LDB2: variants seen among roughly 807,000 people sequenced by gnomAD.
The protein encoded by LDB2 is LIM domain-binding protein 2.
A neutral mutation model predicts 44.3 loss-of-function variants in LDB2; 12 were observed. The ratio of observed to expected loss-of-function variants is 0.27; its 90% CI spans 0.17 to 0.44. LDB2 has a LOEUF of 0.44. Among genes scored for constraint, LDB2 ranks in the 20% least tolerant of loss-of-function variants. The pLI is 1.00. For synonymous variants in LDB2, 164 were observed against 174.8 expected (o/e 0.94, Z 0.49); for missense variants, 344 against 473.5 (o/e 0.73, Z 2.54).
At chr4:16,609,065 A>G (rs1724818741) in intron 2 of LDB2, among the ~76,000 whole-genome samples, 1 of 152,138 alleles carries the variant, frequency 6.6e-6, no homozygotes, top group African/African-American at 2.4e-5. Context: ...TCTCTCATCA[A>G]AATTGACTAG....
chr4:16,773,882 C>T (rs114550155), intron 1 of LDB2, among the ~76,000 whole-genome samples: 1,682 of 151,488 alleles, frequency 0.011, 17 homozygotes, highest in Non-Finnish European at 0.017. Flanking sequence ...AGGCCAGGCA[C>T]GGTGGATCAT....
At chr4:16,789,704 C>A (rs1458711609) in intron 1 of LDB2, among the ~76,000 whole-genome samples, 1 of 152,150 alleles carries the variant, frequency 6.6e-6, no homozygotes, top group Non-Finnish European at 1.5e-5. Flanking sequence ...CCAAGGCGAG[C>A]AGATCACTTA....
intron 2 of LDB2, among the ~76,000 whole-genome samples, chr4:16,620,622 G>C (rs1180585972): frequency 6.6e-6 from 1 of 152,198 alleles, no homozygotes; most frequent in Non-Finnish European, 1.5e-5. Context: ...GGTGAGAAGG[G>C]TGATGAAATC....
At chr4:16,634,159 C>T (rs1732869661) in intron 2 of LDB2, among the ~76,000 whole-genome samples, 1 of 152,076 alleles carries the variant, frequency 6.6e-6, no homozygotes, top group African/African-American at 2.4e-5. Context: ...CCATGAAAAT[C>T]CTACAAGAAA....
At chr4:16,676,396 C>T (rs1200228482) in intron 2 of LDB2, among the ~76,000 whole-genome samples, 1 of 152,238 alleles carries the variant, frequency 6.6e-6, no homozygotes. Flanking sequence ...GCAGCTGTGA[C>T]TGTGAAGGCT....
At chr4:16,529,940 A>G (rs1052895408) in intron 5 of LDB2, among the ~76,000 whole-genome samples, 1 of 152,186 alleles carries the variant, frequency 6.6e-6, no homozygotes, top group Non-Finnish European at 1.5e-5. Flanking sequence ...TGGAGCAGTG[A>G]GAAGCTTGGG....
chr4:16,728,690 A>G (rs554214602), intron 2 of LDB2, among the ~76,000 whole-genome samples: 30 of 152,342 alleles, frequency 2.0e-4, no homozygotes, highest in African/African-American at 7.2e-4. Flanking sequence ...ATATTCTGGT[A>G]CATCAGGCTT....
At chr4:16,813,783 T>C (rs1212281044) in intron 1 of LDB2, among the ~76,000 whole-genome samples, 1 of 152,170 alleles carries the variant, frequency 6.6e-6, no homozygotes, top group East Asian at 1.9e-4. Context: ...GTTATTTCCA[T>C]CTGCAATAGA....
chr4:16,757,053 G>A (rs899407789), intron 2 of LDB2, among the ~76,000 whole-genome samples: 2 of 152,062 alleles, frequency 1.3e-5, no homozygotes, highest in Non-Finnish European at 1.5e-5. Flanking sequence ...TGAAGGAAGA[G>A]CTGCAGCTTC....
intron 2 of LDB2, among the ~76,000 whole-genome samples, chr4:16,659,041 G>A (rs139898732): frequency 9.1e-4 from 138 of 152,296 alleles, no homozygotes; most frequent in African/African-American, 3.0e-3. Flanking sequence ...CCCACCAAAT[G>A]AGCCTGATTT....
At chr4:16,631,004 C>T (rs1352710323) in intron 2 of LDB2, among the ~76,000 whole-genome samples, 2 of 152,124 alleles carry the variant, frequency 1.3e-5, no homozygotes, top group Non-Finnish European at 2.9e-5. Flanking sequence ...CTTTAACACC[C>T]CACTGTCAAT....
intron 5 of LDB2, among the ~76,000 whole-genome samples, chr4:16,522,941 T>C (rs1296522907): frequency 6.6e-6 from 1 of 152,218 alleles, no homozygotes; most frequent in African/African-American, 2.4e-5. Context: ...AGCAAATTTA[T>C]GGTAAGTTTT....
intron 5 of LDB2, among the ~76,000 whole-genome samples, chr4:16,583,654 C>T (rs1160260513): frequency 6.6e-6 from 1 of 152,140 alleles, no homozygotes; most frequent in Non-Finnish European, 1.5e-5. Flanking sequence ...AGTGACCTAC[C>T]CCATATGGAT....
intron 5 of LDB2, among the ~76,000 whole-genome samples, chr4:16,555,894 T>A (rs1739397364): frequency 6.6e-6 from 1 of 152,192 alleles, no homozygotes; most frequent in African/African-American, 2.4e-5. Context: ...CTCGCGTTAC[T>A]CTCCCTATCA....
At chr4:16,558,393 T>C (rs1053646826) in intron 5 of LDB2, among the ~76,000 whole-genome samples, 7 of 152,112 alleles carry the variant, frequency 4.6e-5, no homozygotes, top group Admixed American at 2.0e-4. Context: ...AAGCCAAGGC[T>C]CGGGAACTAC....
chr4:16,570,488 A>AAAAAAG (rs1746102081), intron 5 of LDB2, among the ~76,000 whole-genome samples: 1 of 140,712 alleles, frequency 7.1e-6, no homozygotes, highest in Non-Finnish European at 1.5e-5. Context: ...AAAAAAAAAA[A>AAAAAAG]AAAAAAAAAA....
At chr4:16,828,190 C>G (rs1316819209) in intron 1 of LDB2, among the ~76,000 whole-genome samples, 1 of 152,168 alleles carries the variant, frequency 6.6e-6, no homozygotes, top group Non-Finnish European at 1.5e-5. Context: ...AGTGGCAAAC[C>G]ATCGTCTTAG....
intron 5 of LDB2, among the ~76,000 whole-genome samples, chr4:16,557,917 G>T (rs555920504): frequency 1.3e-5 from 2 of 152,180 alleles, no homozygotes; most frequent in African/African-American, 4.8e-5. Context: ...ACGAAACTCC[G>T]CTGTTCTGCA....
intron 2 of LDB2, among the ~76,000 whole-genome samples, chr4:16,639,857 A>G (rs976952554): frequency 6.6e-6 from 1 of 152,266 alleles, no homozygotes; most frequent in Non-Finnish European, 1.5e-5. Context: ...TAAGGGCAGG[A>G]GACCCAGAGG....
Sources: allele counts gnomAD v4.1 joint callset (sites outside exome capture counted in the v4.1 genomes callset), GRCh38; gene constraint gnomAD v4.1.1; transcripts MANE v1.5; gene names NCBI Gene and HGNC (gene_info 2026-07-23, HGNC 2026-07-21).